The following FGF14 variants were observed in gnomAD, a reference collection of about 807,000 sequenced individuals.
The protein encoded by FGF14 is fibroblast growth factor homologous factor 4.
Under a neutral mutation model 25.5 loss-of-function variants are expected in FGF14, and 5 were observed. The observed-to-expected ratio is 0.20, with a 90% CI of 0.10 to 0.41. The LOEUF (loss-of-function observed/expected upper bound fraction) is 0.41, where lower values mean the gene tolerates loss of function less well. Ranked by LOEUF, FGF14 falls within the 10% of genes least tolerant of loss-of-function variation. The probability of loss-of-function intolerance (pLI) is 1.00; values close to 1 mark genes in which losing one functional copy is unlikely to be tolerated. For missense variants in FGF14, 222 were observed against 320.1 expected (o/e 0.69, Z 2.34); for synonymous variants, 138 against 118.3 (o/e 1.17, Z -1.08).
intron 1 of FGF14, among the ~76,000 whole-genome samples, chr13:102,003,670 T>TA (rs2039627059): frequency 6.6e-6 from 1 of 151,932 alleles, no homozygotes; most frequent in African/African-American, 2.4e-5. Context: ...GTTAGCTTTT[T>TA]TTTTTTTTTT....
chr13:102,161,648 A>AGACGAAGACGAAGACGAAGACGAAGAC (rs1566765157), intron 1 of FGF14, among the ~76,000 whole-genome samples: 6 of 18,412 alleles, frequency 3.3e-4, no homozygotes, highest in Non-Finnish European at 5.4e-4. Flanking sequence ...AAGAAGAAGA[A>AGACGAAGACGAAGACGAAGACGAAGAC]GAAGAAGAAG....
In FGF14 at chr13:101,714,224, G is replaced by C. The variant is rs188111467; in HGVS notation, c.*8607C>G. 3 of 527,622 alleles carry C rather than the reference G, an allele frequency of 5.7e-6. No homozygotes were observed. Among genetic ancestry groups the C allele is most frequent in the East Asian group, 6.2e-5 (2 of 32,518 alleles). The allele number at this position is 527,622 out of a possible 1,614,324, so 32.7% of individuals were successfully genotyped here. A position where few individuals can be genotyped will look rare whatever the true frequency, so the allele number is the denominator to read the frequency against. Reference sequence around the variant, plus strand: ...ATGGGACATTTGTTCAAGGCTAATTGCAACTGTCTAGATCCATAATGAAGG... The same window carrying C: ...ATGGGACATTTGTTCAAGGCTAATTCCAACTGTCTAGATCCATAATGAAGG... On this transcript the variant is annotated 3_prime_UTR_variant, in exon 5 of 5. Transcript: ENST00000376143.
chr13:102,261,000 G>A (rs189960498), intron 1 of FGF14, among the ~76,000 whole-genome samples: 284 of 152,178 alleles, frequency 1.9e-3, no homozygotes, highest in Non-Finnish European at 1.7e-3. Flanking sequence ...CAGCTACTTA[G>A]GGGCAGAAAC....
intron 1 of FGF14, among the ~76,000 whole-genome samples, chr13:102,237,105 C>A (rs576081942): frequency 4.7e-4 from 71 of 152,316 alleles, no homozygotes; most frequent in Non-Finnish European, 8.5e-4. Context: ...GAAGGACTCC[C>A]ATCTTCTCTG....
At chr13:101,928,390 G>T (rs2034516225) in intron 1 of FGF14, among the ~76,000 whole-genome samples, 1 of 148,684 alleles carries the variant, frequency 6.7e-6, no homozygotes, top group African/African-American at 2.5e-5. Flanking sequence ...TTCTAAACTT[G>T]CTGTGGTGTG....
chr13:101,885,667 T>TC (rs1329361314), intron 1 of FGF14, among the ~76,000 whole-genome samples: 10 of 151,508 alleles, frequency 6.6e-5, no homozygotes, highest in African/African-American at 2.4e-4. Context: ...AAAAGCCTTT[T>TC]TTTGTGTGTG....
At chr13:101,896,960 A>G (rs1009997767) in intron 1 of FGF14, among the ~76,000 whole-genome samples, 6 of 152,198 alleles carry the variant, frequency 3.9e-5, no homozygotes, top group African/African-American at 1.4e-4. Flanking sequence ...ATAAGAAAAT[A>G]TACTAGAGAC....
chr13:102,294,365 T>C (rs1214310228), intron 1 of FGF14, among the ~76,000 whole-genome samples: 1 of 152,078 alleles, frequency 6.6e-6, no homozygotes, highest in Non-Finnish European at 1.5e-5. Flanking sequence ...CTTTTCTCCA[T>C]TGCTTAATCT....
intron 1 of FGF14, among the ~76,000 whole-genome samples, chr13:102,013,809 C>G (rs1270500329): frequency 6.6e-6 from 1 of 152,062 alleles, no homozygotes; most frequent in Non-Finnish European, 1.5e-5. Context: ...GTCAAATAAG[C>G]ATTTTATCTT....
chr13:102,032,027 A>G (rs1172869051), intron 1 of FGF14, among the ~76,000 whole-genome samples: 1 of 152,144 alleles, frequency 6.6e-6, no homozygotes, highest in Non-Finnish European at 1.5e-5. Context: ...TGTTGAATTT[A>G]TAACATCAAG....
At chr13:102,315,096 A>G (rs548837335) in intron 1 of FGF14, among the ~76,000 whole-genome samples, 1 of 152,110 alleles carries the variant, frequency 6.6e-6, no homozygotes, top group East Asian at 1.9e-4. Context: ...AAACATGTAT[A>G]TATGTTTGTG....
chr13:102,228,092 T>C (rs894649172), intron 1 of FGF14, among the ~76,000 whole-genome samples: 1 of 152,196 alleles, frequency 6.6e-6, no homozygotes, highest in Non-Finnish European at 1.5e-5. Flanking sequence ...AACTGTGAAA[T>C]GGCAAAACGG....
intron 1 of FGF14, among the ~76,000 whole-genome samples, chr13:102,101,646 T>G (rs1019694777): frequency 1.3e-5 from 2 of 152,148 alleles, no homozygotes; most frequent in Non-Finnish European, 2.9e-5. Context: ...AAGAGTCAGG[T>G]GTACAACATA....
At chr13:102,283,996 A>G (rs2053971324) in intron 1 of FGF14, among the ~76,000 whole-genome samples, 1 of 152,222 alleles carries the variant, frequency 6.6e-6, no homozygotes, top group Admixed American at 6.5e-5. Flanking sequence ...TTGCAGGCAA[A>G]AAGTAGGTAT....
intron 3 of FGF14, among the ~76,000 whole-genome samples, chr13:101,789,962 G>A (rs1045155688): frequency 6.0e-5 from 9 of 151,020 alleles, no homozygotes; most frequent in Admixed American, 4.0e-4. Flanking sequence ...TGCAAATAAT[G>A]TATACTGAAA....
intron 1 of FGF14, among the ~76,000 whole-genome samples, chr13:102,151,330 A>G (rs912190653): frequency 6.6e-6 from 1 of 152,142 alleles, no homozygotes; most frequent in African/African-American, 2.4e-5. Context: ...CCCAAGTAAG[A>G]CCCAAAGTAC....
chr13:101,937,409 G>A (rs2035173580), intron 1 of FGF14, among the ~76,000 whole-genome samples: 1 of 152,114 alleles, frequency 6.6e-6, no homozygotes, highest in Non-Finnish European at 1.5e-5. Flanking sequence ...CACATTAAAG[G>A]AAATCTGGAC....
chr13:101,985,326 G>C (rs553688079), intron 1 of FGF14, among the ~76,000 whole-genome samples: 2 of 152,080 alleles, frequency 1.3e-5, no homozygotes, highest in East Asian at 1.9e-4. Context: ...TTTAGAAAAA[G>C]AAGAGTTATA....
chr13:102,188,390 T>C (rs1032643416), intron 1 of FGF14, among the ~76,000 whole-genome samples: 2 of 152,166 alleles, frequency 1.3e-5, no homozygotes, highest in East Asian at 3.9e-4. Context: ...AGTGGAAAGA[T>C]CTGAGTTTGA....
Sources: allele counts gnomAD v4.1 joint callset (sites outside exome capture counted in the v4.1 genomes callset), GRCh38; gene constraint gnomAD v4.1.1; transcripts MANE v1.5; gene names NCBI Gene and HGNC (gene_info 2026-07-23, HGNC 2026-07-21).